The following DOCK5 variants were observed in gnomAD, a reference collection of about 807,000 sequenced individuals.
DOCK5 encodes the protein dedicator of cytokinesis protein 5.
Under a neutral mutation model 251.8 loss-of-function variants are expected in DOCK5, and 142 were observed. That is an observed-to-expected ratio of 0.56 (90% CI 0.49 to 0.65). DOCK5 has a LOEUF of 0.65. DOCK5 is among the 30% of genes least tolerant of loss of function. The pLI, the probability that DOCK5 is intolerant of heterozygous loss-of-function variation, is 0.00. For missense variants in DOCK5, 2,111 were observed against 2,312.3 expected (o/e 0.91, Z 1.79); for synonymous variants, 842 against 835.5 (o/e 1.01, Z -0.13).
At chr8:25,367,212 G>C (rs961926136) in intron 31 of DOCK5, among the ~76,000 whole-genome samples, 1 of 152,086 alleles carries the variant, frequency 6.6e-6, no homozygotes, top group Non-Finnish European at 1.5e-5. Flanking sequence ...ACCTGGAGAC[G>C]GACCTTGGCT....
chr8:25,217,813 G>A (rs868401944), intron 1 of DOCK5, among the ~76,000 whole-genome samples: 10 of 152,272 alleles, frequency 6.6e-5, no homozygotes, highest in Middle Eastern at 3.4e-3. Flanking sequence ...TTCTCTTTCA[G>A]TATTTCTGGT....
At chr8:25,227,201 T>C (rs1802553695) in intron 1 of DOCK5, among the ~76,000 whole-genome samples, 1 of 152,204 alleles carries the variant, frequency 6.6e-6, no homozygotes, top group Non-Finnish European at 1.5e-5. Context: ...ACACCACATC[T>C]GGTGAGAAGC....
chr8:25,381,700 A>C (rs1473105482), intron 39 of DOCK5, among the ~76,000 whole-genome samples: 1 of 152,172 alleles, frequency 6.6e-6, no homozygotes, highest in African/African-American at 2.4e-5. Context: ...ATACCGGTCT[A>C]AGAAAATAGT....
At position 25,278,615 on chromosome 8, in the gene DOCK5, C is replaced by T. The variant is rs1457546983; in HGVS notation, c.271C>T (p.Leu91Phe). 4 of 1,613,864 alleles carry T rather than the reference C, an allele frequency of 2.5e-6. No homozygotes were observed. The African/African-American group carries it at 4.0e-5, about 16-fold the overall frequency. The change falls in exon 5 of 52, where the codon CTC (leucine) becomes TTC (phenylalanine). Residue 91 changes from leucine to phenylalanine, a missense_variant. Physicochemically the swap from Leu to Phe is conservative, Grantham distance 22 (BLOSUM62 0). Transcript: ENST00000276440. ...IPGELPLVQE[L>F]TSTLREWAVI... The stretch of plus-strand genomic sequence containing the variant: ...TGGCGAGCTCCCCCTGGTGCAGGAG[C>T]TCACGTCCACTCTGCGAGAATGGGC...
intron 39 of DOCK5, among the ~76,000 whole-genome samples, chr8:25,381,725 A>G (rs774173155): frequency 1.5e-4 from 23 of 152,200 alleles, no homozygotes; most frequent in Non-Finnish European, 3.4e-4. Flanking sequence ...TGACGAGACC[A>G]TCACCTAGAT....
Position 25,372,575 on chromosome 8 carries a change from C to T in DOCK5, c.3541C>T (p.Arg1181Trp), listed in dbSNP as rs780213767. The T allele has an allele frequency of 2.4e-5, 38 of 1,581,130 alleles. No homozygotes were observed. Among genetic ancestry groups the T allele is most frequent in the Middle Eastern group, 1.7e-4 (1 of 5,980 alleles). The change falls in exon 35 of 52, where the codon CGG becomes TGG. Residue 1181 changes from arginine to tryptophan, a missense_variant. Arg to Trp is a moderately radical substitution (Grantham distance 101). Around this residue, in one of 3 missense-constraint regions of DOCK5, gnomAD observed 1,717 missense variants for 1,892.4 expected, o/e 0.91. Coordinates refer to ENST00000276440, the MANE Select transcript of DOCK5 (RefSeq NM_024940.8). ...LLEKLLLEHCRKHKYLSSSGE... is the reference protein window; with the variant it reads ...LLEKLLLEHCWKHKYLSSSGE... ...CCCCTCCAGGCTCCTAGAACATTGCCGGAAACACAAATACCTCTCCAGCTC... is the reference window on the plus strand; with the variant it reads ...CCCCTCCAGGCTCCTAGAACATTGCTGGAAACACAAATACCTCTCCAGCTC...
At chr8:25,305,719 G>T (rs1005161147) in intron 11 of DOCK5, among the ~76,000 whole-genome samples, 1 of 152,152 alleles carries the variant, frequency 6.6e-6, no homozygotes, top group African/African-American at 2.4e-5. Context: ...AAACATCAAG[G>T]TTTATTTTTT....
intron 40 of DOCK5, among the ~76,000 whole-genome samples, chr8:25,387,428 CCT>C (rs1801184507): frequency 6.6e-6 from 1 of 152,150 alleles, no homozygotes; most frequent in Admixed American, 6.5e-5. Flanking sequence ...CGTCGACTCC[CCT>C]GTCTGCCCTG....
chr8:25,248,280 G>C (rs1395140877), intron 2 of DOCK5, among the ~76,000 whole-genome samples: 5 of 152,148 alleles, frequency 3.3e-5, no homozygotes, highest in Admixed American at 3.3e-4. Context: ...TATTATTTAA[G>C]GCAGCTCGAG....
At chr8:25,235,029 G>C (rs767596574) in intron 1 of DOCK5, among the ~76,000 whole-genome samples, 5 of 152,156 alleles carry the variant, frequency 3.3e-5, no homozygotes, top group Non-Finnish European at 7.3e-5. Context: ...CGAGAAAGGG[G>C]AAGGAGTGGA....
intron 48 of DOCK5, 69 bp downstream of exon 48, chr8:25,403,793 G>C (rs958221144): frequency 7.2e-6 from 11 of 1,523,352 alleles, no homozygotes; most frequent in Non-Finnish European, 8.9e-6. Flanking sequence ...CTTTAGCCAC[G>C]CATCACTCCT....
chr8:25,328,838 A>G (rs1198397297), intron 18 of DOCK5, among the ~76,000 whole-genome samples: 1 of 152,232 alleles, frequency 6.6e-6, no homozygotes, highest in Non-Finnish European at 1.5e-5. Flanking sequence ...GCCTTGGGCC[A>G]GGAGGTTCAT....
At chr8:25,215,292 A>G (rs976412362) in intron 1 of DOCK5, among the ~76,000 whole-genome samples, 4 of 152,116 alleles carry the variant, frequency 2.6e-5, no homozygotes, top group African/African-American at 7.2e-5. Flanking sequence ...TTCCATGGGA[A>G]CAGAGGGCCT....
chr8:25,310,100 A>G (rs898946471), intron 12 of DOCK5, among the ~76,000 whole-genome samples: 1 of 152,068 alleles, frequency 6.6e-6, no homozygotes, highest in Non-Finnish European at 1.5e-5. Context: ...TTTCATGTAT[A>G]TATCTTTTTT....
chr8:25,352,379 A>G (rs73216291), intron 27 of DOCK5, among the ~76,000 whole-genome samples: 15,504 of 152,048 alleles, frequency 0.1, 850 homozygotes, highest in East Asian at 0.18. Flanking sequence ...GAAACCAAAC[A>G]TTTTAAAGAA....
intron 40 of DOCK5, among the ~76,000 whole-genome samples, chr8:25,384,465 T>TTATTTA (rs896279959): frequency 6.2e-5 from 6 of 96,456 alleles, no homozygotes; most frequent in South Asian, 2.9e-4. Context: ...ATTTATTTAT[T>TTATTTA]TTTTTTTTTT....
intron 45 of DOCK5, 124 bp downstream of exon 45, chr8:25,395,843 T>C: frequency 8.6e-7 from 1 of 1,164,954 alleles, no homozygotes; most frequent in Middle Eastern, 1.9e-4. Flanking sequence ...TCACTTTCCC[T>C]TCTGGCAAGT....
At chr8:25,207,022 G>T (rs1319322386) in intron 1 of DOCK5, among the ~76,000 whole-genome samples, 1 of 152,164 alleles carries the variant, frequency 6.6e-6, no homozygotes, top group African/African-American at 2.4e-5. Flanking sequence ...TCCCTTTTCT[G>T]AGGCAATTTG....
intron 1 of DOCK5, among the ~76,000 whole-genome samples, chr8:25,218,119 T>A (rs1355436905): frequency 1.3e-5 from 2 of 152,224 alleles, no homozygotes; most frequent in African/African-American, 2.4e-5. Context: ...AAACAGAGCC[T>A]GGGAAATCCT....
Sources: gnomAD v4.1 joint callset for allele counts (sites outside exome capture counted in the v4.1 genomes callset) on GRCh38, gnomAD v4.1.1 for gene constraint, gnomAD v4.1.1 regional missense constraint, MANE v1.5 for transcripts, NCBI Gene and HGNC (gene_info 2026-07-23, HGNC 2026-07-21) for gene names.